Variants in MCTP1 observed in about 807,000 individuals in gnomAD.
MCTP1 encodes multiple C2 and transmembrane domain containing 1.
Under a neutral mutation model 120.6 loss-of-function variants are expected in MCTP1, and 69 were observed. The ratio of observed to expected loss-of-function variants is 0.57; its 90% CI spans 0.47 to 0.70. MCTP1 has a LOEUF of 0.70. Among genes scored for constraint, MCTP1 ranks in the 30% least tolerant of loss-of-function variants. MCTP1 has a pLI of 0.00. For synonymous variants in MCTP1, 529 were observed against 493.1 expected, an observed-to-expected ratio of 1.07 and a Z score of -0.96; for missense variants, 1,203 against 1,248.8, an observed-to-expected ratio of 0.96 and a Z score of 0.55.
chr5:94,847,427 A>G (rs1792640520), intron 17 of MCTP1, among the ~76,000 whole-genome samples: 1 of 151,998 alleles, frequency 6.6e-6, no homozygotes, highest in African/African-American at 2.4e-5. Flanking sequence ...GTATTTCTAC[A>G]TCTCCCGAGA....
intron 1 of MCTP1, among the ~76,000 whole-genome samples, chr5:95,208,817 C>T (rs114071481): frequency 0.012 from 1,796 of 152,130 alleles, 10 homozygotes; most frequent in Non-Finnish European, 0.021. Flanking sequence ...TAGAAATCAC[C>T]TTCTTGAAAG....
At chr5:95,086,785 A>G (rs917135970) in intron 1 of MCTP1, among the ~76,000 whole-genome samples, 1 of 152,216 alleles carries the variant, frequency 6.6e-6, no homozygotes, top group African/African-American at 2.4e-5. Context: ...TTTATTAGAG[A>G]TGGTGAAAAT....
intron 1 of MCTP1, among the ~76,000 whole-genome samples, chr5:95,046,914 C>T (rs563110827): frequency 1.3e-5 from 2 of 152,230 alleles, no homozygotes; most frequent in African/African-American, 2.4e-5. Context: ...TGAAAGACTA[C>T]GTTCATGTTA....
intron 2 of MCTP1, among the ~76,000 whole-genome samples, chr5:95,016,905 T>C (rs902830339): frequency 6.6e-6 from 1 of 152,118 alleles, no homozygotes; most frequent in Non-Finnish European, 1.5e-5. Flanking sequence ...CTGCCAGATC[T>C]GACCAGGCCT....
At chr5:94,720,822 A>C (rs1760722444) in intron 19 of MCTP1, among the ~76,000 whole-genome samples, 1 of 152,204 alleles carries the variant, frequency 6.6e-6, no homozygotes, top group Non-Finnish European at 1.5e-5. Context: ...AGCTATCTTA[A>C]ATTATTTTTG....
intron 1 of MCTP1, 21 bp from the exon 2 acceptor site, chr5:95,017,505 A>T: frequency 6.8e-7 from 1 of 1,480,790 alleles, no homozygotes; most frequent in Non-Finnish European, 9.3e-7. Context: ...CGAAATATAA[A>T]AAATATTAAA....
At chr5:95,187,321 T>G (rs1749314677) in intron 1 of MCTP1, among the ~76,000 whole-genome samples, 1 of 152,106 alleles carries the variant, frequency 6.6e-6, no homozygotes, top group African/African-American at 2.4e-5. Flanking sequence ...GAAAAGGAGA[T>G]CATTATGTTA....
At chr5:94,907,304 A>G (rs1359347851) in intron 10 of MCTP1, among the ~76,000 whole-genome samples, 4 of 152,188 alleles carry the variant, frequency 2.6e-5, no homozygotes. Flanking sequence ...AGGAGTGTGC[A>G]GCATGTTTCT....
chr5:95,242,018 G>T (rs1327660219), intron 1 of MCTP1, among the ~76,000 whole-genome samples: 1 of 152,048 alleles, frequency 6.6e-6, no homozygotes, highest in African/African-American at 2.4e-5. Context: ...GAATCAAAAC[G>T]CCTATGCAAA....
chr5:94,835,761 T>C (rs1789590672), intron 17 of MCTP1, among the ~76,000 whole-genome samples: 1 of 152,266 alleles, frequency 6.6e-6, no homozygotes, highest in South Asian at 2.1e-4. Context: ...TCCCGGCACT[T>C]TGGGAGACCA....
chr5:95,045,879 G>C (rs1843051174), intron 1 of MCTP1, among the ~76,000 whole-genome samples: 1 of 152,110 alleles, frequency 6.6e-6, no homozygotes, highest in Non-Finnish European at 1.5e-5. Context: ...GCTTGAGTTT[G>C]AATCCTGGCT....
chr5:94,786,890 C>T (rs1437299945), intron 18 of MCTP1, among the ~76,000 whole-genome samples: 1 of 152,054 alleles, frequency 6.6e-6, no homozygotes, highest in African/African-American at 2.4e-5. Flanking sequence ...ACAAATTTGT[C>T]CAGCTTCAGT....
At chr5:94,905,891 C>T (rs532124540) in intron 10 of MCTP1, among the ~76,000 whole-genome samples, 5 of 151,952 alleles carry the variant, frequency 3.3e-5, no homozygotes, top group South Asian at 2.1e-4. Context: ...GAGTGAGCTC[C>T]GAGGCTTTCC....
intron 2 of MCTP1, among the ~76,000 whole-genome samples, chr5:94,983,668 A>T (rs112114279): frequency 0.012 from 1,838 of 150,742 alleles, 22 homozygotes; most frequent in African/African-American, 0.035. Flanking sequence ...TCTGTCTGTC[A>T]ATCTATCTAT....
intron 1 of MCTP1, among the ~76,000 whole-genome samples, chr5:95,073,985 G>A (rs577898707): frequency 6.6e-5 from 10 of 152,196 alleles, no homozygotes; most frequent in East Asian, 1.9e-4. Flanking sequence ...GCGTGGTGGC[G>A]GGTGCCTATA....
intron 1 of MCTP1, among the ~76,000 whole-genome samples, chr5:95,207,838 C>T (rs755221604): frequency 7.3e-5 from 11 of 150,982 alleles, no homozygotes; most frequent in South Asian, 2.1e-4. Context: ...AAATTAACAA[C>T]GAGGAGACCT....
chr5:95,191,923 A>G (rs1007115693), intron 1 of MCTP1, among the ~76,000 whole-genome samples: 1 of 152,084 alleles, frequency 6.6e-6, no homozygotes, highest in Middle Eastern at 3.4e-3. Flanking sequence ...CACAAATTCT[A>G]CACTTTGAAA....
chr5:94,957,030 C>T (rs1158503580), intron 2 of MCTP1, among the ~76,000 whole-genome samples: 3 of 152,144 alleles, frequency 2.0e-5, no homozygotes, highest in Admixed American at 6.5e-5. Flanking sequence ...GGTCTGGCTA[C>T]CCACAAAGGG....
chr5:94,858,427 AG>A (rs927356136), intron 17 of MCTP1, among the ~76,000 whole-genome samples: 3 of 151,652 alleles, frequency 2.0e-5, no homozygotes, highest in African/African-American at 7.3e-5. Flanking sequence ...AACACTAAGC[AG>A]GGTGCATACA....
Sources: allele counts gnomAD v4.1 joint callset (sites outside exome capture counted in the v4.1 genomes callset), GRCh38; gene constraint gnomAD v4.1.1; transcripts MANE v1.5; gene names NCBI Gene and HGNC (gene_info 2026-07-23, HGNC 2026-07-21).